The following PCDH15 variants were observed in gnomAD, a reference collection of about 807,000 sequenced individuals.
PCDH15 encodes protocadherin-15.
In PCDH15, 129 loss-of-function variants were observed where a neutral mutation model predicts 178.5. That is an observed-to-expected ratio of 0.72 (90% confidence interval 0.63 to 0.84). PCDH15 has a LOEUF of 0.84. Ranked by LOEUF, PCDH15 falls within the 40% of genes least tolerant of loss-of-function variation. The pLI is 0.00. For synonymous variants in PCDH15, 800 were observed against 732.0 expected, an observed-to-expected ratio of 1.09 and a Z score of -1.50; for missense variants, 2,230 against 2,099.9, an observed-to-expected ratio of 1.06 and a Z score of -1.21.
intron 2 of PCDH15, among the ~76,000 whole-genome samples, chr10:55,563,387 A>G (rs1362249033): frequency 1.3e-5 from 2 of 152,034 alleles, no homozygotes; most frequent in Admixed American, 6.6e-5. Flanking sequence ...TCATCAAGAA[A>G]TGGTGCAGGT....
intron 2 of PCDH15, among the ~76,000 whole-genome samples, chr10:55,337,640 T>C (rs1156824604): frequency 2.0e-5 from 3 of 152,204 alleles, no homozygotes; most frequent in African/African-American, 4.8e-5. Context: ...AATTCAAAGG[T>C]ACTTATTAAT....
At chr10:53,943,261 G>A (rs1482860399) in intron 23 of PCDH15, among the ~76,000 whole-genome samples, 1 of 151,890 alleles carries the variant, frequency 6.6e-6, no homozygotes, top group African/African-American at 2.4e-5. Flanking sequence ...GGCTGAGCCG[G>A]GTGAATCCCC....
intron 2 of PCDH15, among the ~76,000 whole-genome samples, chr10:54,603,655 A>G (rs904196275): frequency 6.6e-6 from 1 of 151,950 alleles, no homozygotes; most frequent in Non-Finnish European, 1.5e-5. Context: ...GTCAGAATTT[A>G]TGGTAAGTGT....
At chr10:55,238,430 G>C (rs1410482673) in intron 1 of PCDH15, among the ~76,000 whole-genome samples, 1 of 151,988 alleles carries the variant, frequency 6.6e-6, no homozygotes, top group African/African-American at 2.4e-5. Context: ...GATTAAAGGC[G>C]TGAGCCACCG....
chr10:53,960,350 G>A (rs1029203273), intron 22 of PCDH15, among the ~76,000 whole-genome samples: 2 of 152,012 alleles, frequency 1.3e-5, no homozygotes, highest in African/African-American at 4.8e-5. Context: ...TTACTCTAGA[G>A]GATAAAATTG....
intron 22 of PCDH15, among the ~76,000 whole-genome samples, chr10:53,961,528 G>A (rs2088314156): frequency 6.6e-6 from 1 of 151,842 alleles, no homozygotes; most frequent in Non-Finnish European, 1.5e-5. Context: ...GTCATCATGA[G>A]GATAGAGATC....
chr10:54,201,269 T>G (rs903473314), intron 10 of PCDH15, among the ~76,000 whole-genome samples: 6 of 152,290 alleles, frequency 3.9e-5, no homozygotes, highest in African/African-American at 1.4e-4. Context: ...AAACTTGAGA[T>G]GAAAAAATAC....
intron 11 of PCDH15, 102 bp from the exon 12 acceptor site, chr10:54,185,370 T>G: frequency 7.6e-7 from 1 of 1,311,496 alleles, no homozygotes; most frequent in Non-Finnish European, 1.1e-6. Context: ...AAAATCCACG[T>G]GAAAGTATTA....
chr10:54,532,981 T>G (rs2084089202), intron 2 of PCDH15, among the ~76,000 whole-genome samples: 1 of 152,174 alleles, frequency 6.6e-6, no homozygotes, highest in South Asian at 2.1e-4. Context: ...CTGTCCAAGG[T>G]GGGTTCCTGC....
chr10:55,553,353 TTAAACA>T (rs1474892199), intron 2 of PCDH15, among the ~76,000 whole-genome samples: 6 of 151,796 alleles, frequency 4.0e-5, no homozygotes, highest in Non-Finnish European at 8.8e-5. Context: ...TAAATTTTCA[TTAAACA>T]TAAACTTTCT....
intron 1 of PCDH15, among the ~76,000 whole-genome samples, chr10:55,186,753 G>GTC (rs1839811360): frequency 6.6e-6 from 1 of 151,572 alleles, no homozygotes; most frequent in South Asian, 2.1e-4. Flanking sequence ...CTGTGTGTGT[G>GTC]TGTGTGTATT....
chr10:55,200,160 T>A (rs1840203629), intron 1 of PCDH15, among the ~76,000 whole-genome samples: 1 of 152,076 alleles, frequency 6.6e-6, no homozygotes, highest in African/African-American at 2.4e-5. Context: ...ACACAGGCAC[T>A]CAACACTAGC....
chr10:54,215,090 A>T (rs911362548), intron 9 of PCDH15, among the ~76,000 whole-genome samples: 11 of 152,194 alleles, frequency 7.2e-5, no homozygotes, highest in Admixed American at 3.3e-4. Context: ...CTATTATGGA[A>T]ACCTACTCTG....
intron 2 of PCDH15, among the ~76,000 whole-genome samples, chr10:55,024,910 G>A (rs72800095): frequency 6.6e-6 from 1 of 151,794 alleles, no homozygotes; most frequent in Non-Finnish European, 1.5e-5. Context: ...TCTTTAACTC[G>A]TTCTCCAGGC....
intron 3 of PCDH15, among the ~76,000 whole-genome samples, chr10:54,504,637 ACCC>A (rs1400028829): frequency 6.6e-6 from 1 of 152,126 alleles, no homozygotes; most frequent in Non-Finnish European, 1.5e-5. Context: ...TTTTACACTG[ACCC>A]TAAGAGTAAG....
At chr10:55,394,593 G>A (rs1837877113) in intron 2 of PCDH15, among the ~76,000 whole-genome samples, 1 of 151,786 alleles carries the variant, frequency 6.6e-6, no homozygotes, top group South Asian at 2.1e-4. Context: ...AAAGAGACTT[G>A]CTTGAAGCCA....
chr10:54,826,630 T>C lies in PCDH15; in HGVS notation c.-29+70820A>G, dbSNP rs977800564. Among the ~76,000 whole-genome samples, 5 of 151,956 alleles carry C rather than the reference T, an allele frequency of 3.3e-5. No homozygotes were observed. The East Asian group carries it at 7.7e-4, about 24-fold the overall frequency. Reference sequence around the variant, plus strand: ...TATAATTAAAAGCAAAATTGCTGTGTTGTGGTAAAAATTTCAGGTAAACAG... The same window carrying C: ...TATAATTAAAAGCAAAATTGCTGTGCTGTGGTAAAAATTTCAGGTAAACAG... On this transcript the variant is annotated intron_variant, in intron 3 of 5. Transcript: ENST00000458638.
chr10:55,362,575 A>G (rs1381121012), intron 2 of PCDH15, among the ~76,000 whole-genome samples: 3 of 152,176 alleles, frequency 2.0e-5, no homozygotes, highest in Non-Finnish European at 4.4e-5. Context: ...ATAGTACAGT[A>G]TCACAACCAT....
At chr10:54,332,368 A>ATATATAAT (rs1939974717) in intron 6 of PCDH15, among the ~76,000 whole-genome samples, 1 of 97,428 alleles carries the variant, frequency 1.0e-5, no homozygotes, top group African/African-American at 3.9e-5. Flanking sequence ...AATCTATATT[A>ATATATAAT]TATATATAAT....
Sources: gnomAD v4.1 joint callset for allele counts (sites outside exome capture counted in the v4.1 genomes callset) on GRCh38, gnomAD v4.1.1 for gene constraint, MANE v1.5 for transcripts, NCBI Gene and HGNC (gene_info 2026-07-23, HGNC 2026-07-21) for gene names.